Variants in ZBED4 observed in about 807,000 individuals in gnomAD.
ZBED4 encodes the protein zinc finger BED-type containing 4.
ZBED4 carries 4 observed loss-of-function variants against 15.5 expected under a neutral mutation model. That is an observed-to-expected ratio of 0.26 (90% confidence interval 0.13 to 0.59). The LOEUF is 0.59. ZBED4 is among the 20% of genes least tolerant of loss of function. The pLI is 0.90. For synonymous variants in ZBED4, 692 were observed against 608.5 expected (o/e 1.14, Z -2.02); for missense variants, 1,323 against 1,461.8 (o/e 0.91, Z 1.55).
In ZBED4 at chr22:49,887,447, A is replaced by T. The variant is rs1170171805; in HGVS notation, c.*269A>T. On this transcript the variant is annotated 3_prime_UTR_variant, in exon 2 of 2. Coordinates refer to ENST00000216268, the MANE Select transcript of ZBED4 (RefSeq NM_014838.3). ...TGACTAGATTTTAATTCATAACCGT[A>T]AAGTTTTTTAAAGTTTTGGGTTAGT... is the stretch of plus-strand genomic sequence containing the variant. The T allele has an allele frequency of 6.2e-6, 2 of 324,064 alleles. No homozygotes were observed. The highest frequency in any genetic ancestry group is 6.0e-6 in the Non-Finnish European group (1 of 167,294). 20.1% of individuals were successfully genotyped at this position (324,064 alleles called of 1,614,324 possible).
At position 49,883,834 on chromosome 22, in the gene ZBED4, C is replaced by G; in HGVS notation, c.172C>G (p.Arg58Gly). 1 of 1,610,478 alleles carries G rather than the reference C, an allele frequency of 6.2e-7. No individual in the cohort carries two copies. ...GAAGCAGACAGACAGCGGTGGGGAG[C>G]GAGCGGGCCTCGGTGGGACGGGTTG... ...DMKQTDSGGE[R>G]AGLGGTGCSC... The change falls in exon 2 of 2, where the codon CGA becomes GGA. Residue 58 changes from arginine to glycine, a missense_variant. This residue lies in a region of ZBED4 where 380 missense variants were observed against 413.7 expected (regional missense o/e 0.92). Coordinates refer to ENST00000216268, the MANE Select transcript of ZBED4 (RefSeq NM_014838.3).
Position 49,886,124 on chromosome 22 carries a change from A to G in ZBED4, c.2462A>G (p.Glu821Gly). 1.5e-6 allele frequency: 1 copy of G among 680,006 alleles called. No individual in the cohort carries two copies. The allele number at this position is 680,006 out of a possible 1,614,324, so 42.1% of individuals were successfully genotyped here. A position where few individuals can be genotyped will look rare whatever the true frequency, so the allele number is the denominator to read the frequency against. ...ATCGGGAAGACGCTGAACGAGGGGGAGCACTCGAGCGTGCAGTGCTTCAGC... is the reference window on the plus strand; with the variant it reads ...ATCGGGAAGACGCTGAACGAGGGGGGGCACTCGAGCGTGCAGTGCTTCAGC... ...ASIGKTLNEG[E>G]HSSVQCFSHT... The change falls in exon 2 of 2, where the codon GAG (glutamate) becomes GGG (glycine). Residue 821 changes from glutamate (E) to glycine (G), a missense_variant. Coordinates refer to ENST00000216268, the MANE Select transcript of ZBED4 (RefSeq NM_014838.3). This position sits in a 1 kb window ranked among gnomAD's most constrained non-coding sequence, Gnocchi z 7.7.
intron 1 of ZBED4, among the ~76,000 whole-genome samples, chr22:49,862,719 T>TTTA (rs1376315148): frequency 2.9e-5 from 3 of 105,054 alleles, no homozygotes; most frequent in African/African-American, 5.6e-5. Context: ...TTTTTTTTTT[T>TTTA]AGACTTAAGT....
chr22:49,855,286 T>C (rs1203965270), intron 1 of ZBED4, among the ~76,000 whole-genome samples: 1 of 152,172 alleles, frequency 6.6e-6, no homozygotes, highest in Admixed American at 6.5e-5. Context: ...ACACAGTTAA[T>C]CTATATGGAA....
At position 49,884,390 on chromosome 22, in the gene ZBED4, A is replaced by G. The variant is rs770238132; in HGVS notation, c.728A>G (p.Glu243Gly). The part of the protein sequence containing the change: ...EEISSDMSVS[E>G]KCGREEALVG... The stretch of plus-strand genomic sequence containing the variant: ...ATCTCCTCTGACATGTCCGTTTCGG[A>G]GAAGTGCGGCAGAGAAGAAGCCCTG... Residue 243 changes from glutamate to glycine, a missense_variant, in exon 2 of 2, where the codon GAG becomes GGG. Coordinates refer to ENST00000216268, the MANE Select transcript of ZBED4 (RefSeq NM_014838.3). 52 of 1,612,580 alleles carry G rather than the reference A, an allele frequency of 3.2e-5. No homozygotes were observed. Among genetic ancestry groups the G allele is most frequent in the Non-Finnish European group, 4.2e-5 (50 of 1,179,260 alleles).
chr22:49,866,903 G>A (rs1381430709), intron 1 of ZBED4, among the ~76,000 whole-genome samples: 5 of 152,192 alleles, frequency 3.3e-5, no homozygotes, highest in African/African-American at 4.8e-5. Context: ...GCAAATGCAC[G>A]TTCTTACCTC....
intron 1 of ZBED4, among the ~76,000 whole-genome samples, chr22:49,865,142 A>G (rs989641307): frequency 2.0e-5 from 3 of 152,008 alleles, no homozygotes; most frequent in Non-Finnish European, 2.9e-5. Context: ...ACAAACCCAG[A>G]TGGTATAACC....
intron 1 of ZBED4, among the ~76,000 whole-genome samples, chr22:49,866,889 C>G (rs992962523): frequency 6.6e-6 from 1 of 152,196 alleles, no homozygotes; most frequent in African/African-American, 2.4e-5. Context: ...AACGGTGGCT[C>G]TCGGCAAATG....
intron 1 of ZBED4, among the ~76,000 whole-genome samples, chr22:49,882,459 A>G (rs2060414274): frequency 6.6e-6 from 1 of 152,224 alleles, no homozygotes; most frequent in Non-Finnish European, 1.5e-5. Context: ...TGGTTTTATT[A>G]TAGAATATTT....
rs1601804310 is a variant in ZBED4, at chr22:49,885,223, G to A, written c.1561G>A (p.Ala521Thr). 1.9e-6 allele frequency: 3 copies of A among 1,613,056 alleles called. No homozygotes were observed. The East Asian group carries it at 6.7e-5, about 36-fold the overall frequency. The stretch of plus-strand genomic sequence containing the variant: ...GAAGGGCTTCCTGGGTGCAAGTCTG[G>A]CAAACTCTCCGTATGCCACTTTGGC... ...SQKGFLGASLANSPYATLASA... is the reference protein window; with the variant it reads ...SQKGFLGASLTNSPYATLASA... The change falls in exon 2 of 2, where the codon GCA becomes ACA. Residue 521 changes from alanine to threonine, a missense_variant. Coordinates refer to ENST00000216268, the MANE Select transcript of ZBED4 (RefSeq NM_014838.3).
chr22:49,882,157 G>A (rs1331813479), intron 1 of ZBED4, among the ~76,000 whole-genome samples: 2 of 152,216 alleles, frequency 1.3e-5, no homozygotes, highest in Non-Finnish European at 2.9e-5. Flanking sequence ...GGTGACCCAT[G>A]CTGACCAGGC....
chr22:49,863,832 GTTAGGGA>G (rs1415513132), intron 1 of ZBED4, among the ~76,000 whole-genome samples: 4 of 152,204 alleles, frequency 2.6e-5, no homozygotes, highest in Non-Finnish European at 5.9e-5. Flanking sequence ...GAGGCGACCA[GTTAGGGA>G]TTTGATGTTG....
intron 1 of ZBED4, among the ~76,000 whole-genome samples, chr22:49,867,971 G>A (rs147339390): frequency 7.9e-5 from 12 of 152,296 alleles, no homozygotes; most frequent in South Asian, 2.1e-4. Flanking sequence ...GTGTCACACC[G>A]TATGTTGTTA....
chr22:49,874,438 T>G (rs2060365241), intron 1 of ZBED4, among the ~76,000 whole-genome samples: 1 of 150,862 alleles, frequency 6.6e-6, no homozygotes, highest in African/African-American at 2.4e-5. Context: ...CAGGCTGGAG[T>G]GCAGTGGTGC....
Position 49,889,152 on chromosome 22 carries a change from CAG to C in ZBED4, c.*1978_*1979del, listed in dbSNP as rs1350279843. 2 of 167,166 alleles carry C rather than the reference CAG, an allele frequency of 1.2e-5. No individual in the cohort carries two copies. The highest frequency in any genetic ancestry group is 3.8e-4 in the East Asian group (2 of 5,300). The allele number at this position is 167,166 out of a possible 1,614,324, so 10.4% of individuals were successfully genotyped here. On this transcript the variant is annotated 3_prime_UTR_variant, in exon 2 of 2. Coordinates refer to ENST00000216268, the MANE Select transcript of ZBED4 (RefSeq NM_014838.3). ...GCCTGGGCTAGTTCCTGGAATGCAA[CAG>C]AGATTTCCGTGGACACAGTCTCTAG...
At chr22:49,873,116 C>T (rs1242008754) in intron 1 of ZBED4, among the ~76,000 whole-genome samples, 4 of 152,252 alleles carry the variant, frequency 2.6e-5, no homozygotes, top group African/African-American at 7.2e-5. Context: ...CAGACATGAG[C>T]CACTACAGCC....
intron 1 of ZBED4, among the ~76,000 whole-genome samples, chr22:49,870,704 T>G (rs2060342575): frequency 6.6e-6 from 1 of 152,162 alleles, no homozygotes; most frequent in Admixed American, 6.5e-5. Flanking sequence ...TTATAGATTC[T>G]GGATTTCAGA....
intron 1 of ZBED4, among the ~76,000 whole-genome samples, chr22:49,866,794 C>T (rs1012278994): frequency 2.6e-5 from 4 of 152,104 alleles, no homozygotes; most frequent in Admixed American, 2.6e-4. Flanking sequence ...TACCACAAAC[C>T]GAGTGGCTTC....
chr22:49,884,412 C>T lies in ZBED4; in HGVS notation c.750C>T (p.Ala250=), dbSNP rs200157568. 8 of 1,613,700 alleles carry T rather than the reference C, an allele frequency of 5.0e-6. No homozygotes were observed. The highest frequency in any genetic ancestry group is 6.8e-6 in the Non-Finnish European group (8 of 1,179,782). The change falls in exon 2 of 2, where the codon GCC becomes GCT. Residue 250 remains alanine (A), a synonymous_variant. Coordinates refer to ENST00000216268, the MANE Select transcript of ZBED4 (RefSeq NM_014838.3). ...CGGAGAAGTGCGGCAGAGAAGAAGC[C>T]CTGGTGGGGTCGTCTCCCCACCTCC... ...SVSEKCGREE[A]LVGSSPHLPA...
Sources: allele counts gnomAD v4.1 joint callset (sites outside exome capture counted in the v4.1 genomes callset), GRCh38; gene constraint gnomAD v4.1.1; regional missense constraint gnomAD v4.1.1; non-coding constraint Gnocchi (gnomAD v3.1); transcripts MANE v1.5; gene names NCBI Gene and HGNC (gene_info 2026-07-23, HGNC 2026-07-21).